Variants in CELSR1 observed in about 807,000 individuals in gnomAD.
CELSR1 encodes cadherin EGF LAG seven-pass G-type receptor 1, also known as adhesion G protein-coupled receptor C1.
Under a neutral mutation model 249.1 loss-of-function variants are expected in CELSR1, and 110 were observed. That is an observed-to-expected ratio of 0.44 (90% confidence interval 0.38 to 0.52). The LOEUF is 0.52. CELSR1 is among the 20% of genes least tolerant of loss of function. The probability of loss-of-function intolerance (pLI) is 0.00; values close to 1 mark genes in which losing one functional copy is unlikely to be tolerated. For synonymous variants in CELSR1, 2,113 were observed against 1,900.0 expected (o/e 1.11, Z -2.92); for missense variants, 4,109 against 4,296.4 (o/e 0.96, Z 1.22).
In CELSR1 at chr22:46,536,775, G is replaced by A; in HGVS notation, c.396C>T (p.Cys132=). 8.4e-7 allele frequency: 1 copy of A among 1,187,112 alleles called. No individual in the cohort carries two copies. Among genetic ancestry groups the A allele is most frequent in the East Asian group, 3.8e-5 (1 of 26,304 alleles). The allele number at this position is 1,187,112 out of a possible 1,614,324, so 73.5% of individuals were successfully genotyped here. ...CCGCGCAGCCGCCGGGGACGGGGAA[G>A]CAGAGCGCCCCGCAGAGCCGGGCAC... is the stretch of plus-strand genomic sequence containing the variant. ...GTGARLCGAL[C]FPVPGGCAAA... is the part of the protein sequence containing the mutation. Residue 132 remains cysteine (C), a synonymous_variant, in exon 1 of 35, where the codon TGC becomes TGT. Coordinates refer to ENST00000674500, the MANE Select transcript of CELSR1 (RefSeq NM_001378328.1).
At chr22:46,438,999 C>T (rs1405694473) in intron 3 of CELSR1, among the ~76,000 whole-genome samples, 190 bp downstream of exon 3, 1 of 152,184 alleles carries the variant, frequency 6.6e-6, no homozygotes, top group Non-Finnish European at 1.5e-5. Flanking sequence ...CTCAGGTGAT[C>T]CACCCGCCTC....
intron 2 of CELSR1, among the ~76,000 whole-genome samples, chr22:46,456,661 TAAAAAAAAAAA>T (rs556357746): frequency 1.0e-4 from 6 of 60,282 alleles, no homozygotes; most frequent in Admixed American, 2.2e-4. Context: ...AGACTCTGTC[TAAAAAAAAAAA>T]AAAAAAAAAA....
Position 46,367,117 on chromosome 22 carries a change from C to A in CELSR1, c.8081G>T (p.Gly2694Val). 1.2e-6 allele frequency: 2 copies of A among 1,610,284 alleles called. No individual in the cohort carries two copies. Reference sequence around the variant, plus strand: ...GCAGTGGAAAAGGAGGACGAAGGGGCCCTGGAGGGAGGAAGGTGGGGTCAG... The same window carrying A: ...GCAGTGGAAAAGGAGGACGAAGGGGACCTGGAGGGAGGAAGGTGGGGTCAG... ...YLFAIFSGLQ[G>V]PFVLLFHCVL... Residue 2694 changes from glycine (G) to valine (V), a missense_variant and splice_region_variant, in exon 29 of 35, where the codon GGC (glycine) becomes GTC (valine). Coordinates refer to ENST00000674500, the MANE Select transcript of CELSR1 (RefSeq NM_001378328.1).
Position 46,534,859 on chromosome 22 carries a change from T to A in CELSR1, c.2312A>T (p.His771Leu). ...AVTASDGTRS[H>L]TAHVLINVTD... ...GACGTTGATTAGGACATGCGCAGTG[T>A]GCGACCGTGTGCCGTCGGATGCTGT... The change falls in exon 1 of 35, where the codon CAC (histidine) becomes CTC (leucine). Residue 771 changes from histidine to leucine, a missense_variant. Transcript: ENST00000674500. This position sits in a 1 kb window ranked among gnomAD's most constrained non-coding sequence, Gnocchi z 9.7. 6.2e-7 allele frequency: 1 copy of A among 1,612,892 alleles called. No homozygotes were observed. Among genetic ancestry groups the A allele is most frequent in the East Asian group, 2.2e-5 (1 of 44,874 alleles).
In CELSR1 at chr22:46,366,410, G is replaced by T; in HGVS notation, c.8276C>A (p.Thr2759Asn). The T allele has an allele frequency of 1.3e-6, 2 of 1,549,826 alleles. No homozygotes were observed. The highest frequency in any genetic ancestry group is 1.7e-6 in the Non-Finnish European group (2 of 1,146,500). ...DMLRTDLGES[T>N]ASLDSIVRDE... ...CCTGACGATGCTGTCCAGCGAGGCG[G>T]TGGACTCGCCCAAGTCTGTGCGCAG... Residue 2759 changes from threonine to asparagine, a missense_variant, in exon 30 of 35, where the codon ACC becomes AAC. This residue lies in a region of CELSR1 where 1,805 missense variants were observed against 1,831.6 expected (regional missense o/e 0.99). Coordinates refer to ENST00000674500, the MANE Select transcript of CELSR1 (RefSeq NM_001378328.1).
intron 2 of CELSR1, among the ~76,000 whole-genome samples, chr22:46,455,534 C>CA (rs1287687861): frequency 3.9e-5 from 6 of 152,322 alleles, no homozygotes; most frequent in African/African-American, 1.4e-4. Context: ...TTCCTGACCT[C>CA]AAGTGATCCG....
intron 32 of CELSR1, among the ~76,000 whole-genome samples, 176 bp downstream of exon 32, chr22:46,365,055 G>A (rs1228864585): frequency 2.0e-5 from 3 of 152,214 alleles, no homozygotes; most frequent in Non-Finnish European, 2.9e-5. Context: ...GCCTGGAGGA[G>A]CCCTCCAGAG....
At chr22:46,383,486 G>A (rs142388238) in intron 20 of CELSR1, among the ~76,000 whole-genome samples, 163 of 152,150 alleles carry the variant, frequency 1.1e-3, no homozygotes, top group Admixed American at 1.6e-3. Context: ...TTTTTTTGCG[G>A]GAAGGGGAAG....
At chr22:46,481,593 C>T in intron 1 of CELSR1, 2 of 789,990 alleles carry the variant, frequency 2.5e-6, no homozygotes, top group South Asian at 3.0e-5. Flanking sequence ...TGCACTGGTG[C>T]ACCTGCTCCG....
In CELSR1 at chr22:46,446,414, C is replaced by G. The variant is rs1164052005; in HGVS notation, c.4184-7003G>C. ...CTCAAAATCTCCCCTCTCCAGCAAT[C>G]GCCCCACCAGCTCCACATCCAGCCC... On this transcript the variant is annotated intron_variant, in intron 2 of 34. Coordinates refer to ENST00000674500, the MANE Select transcript of CELSR1 (RefSeq NM_001378328.1). This position sits in a 1 kb window ranked among gnomAD's most constrained non-coding sequence, Gnocchi z 5.5. 6.6e-6 allele frequency among the ~76,000 whole-genome samples: 1 copy of G among 152,172 alleles called. No individual in the cohort carries two copies. Among genetic ancestry groups the G allele is most frequent in the Non-Finnish European group, 1.5e-5 (1 of 68,012 alleles).
chr22:46,491,322 G>T (rs1312215630), intron 1 of CELSR1, among the ~76,000 whole-genome samples: 2 of 147,582 alleles, frequency 1.4e-5, no homozygotes, highest in Non-Finnish European at 3.0e-5. Context: ...GGAATGCAGT[G>T]GTGCAATCTC....
chr22:46,432,916 C>T (rs1484860566), intron 5 of CELSR1, among the ~76,000 whole-genome samples: 2 of 152,220 alleles, frequency 1.3e-5, no homozygotes, highest in Non-Finnish European at 2.9e-5. Context: ...GGTGTATTTA[C>T]ACAGACCCTC....
rs142749653 is a variant in CELSR1 at position 46,425,723 on chromosome 22, G to A, written c.4611+7670C>T. Among the ~76,000 whole-genome samples the A allele has an allele frequency of 7.5e-4, 114 of 151,836 alleles. 3 individuals are homozygous for A. The East Asian group carries it at 0.014, about 19-fold the overall frequency. On this transcript the variant is annotated intron_variant, in intron 5 of 34. Transcript: ENST00000674500. ...AAGATTTTGTTAATCTTAAAGAATC[G>A]GCTCTTTGTTTCATTGATTTTCTCT... is the stretch of plus-strand genomic sequence containing the variant.
At chr22:46,509,794 C>G (rs3788725) in intron 1 of CELSR1, among the ~76,000 whole-genome samples, 91,718 of 151,876 alleles carry the variant, frequency 0.6, 27,791 homozygotes, top group East Asian at 0.76. Context: ...TGGGGGTCAA[C>G]AGGGTAGCAG....
Position 46,536,591 on chromosome 22 carries a change from C to G in CELSR1, c.580G>C (p.Val194Leu). The G allele has an allele frequency of 1.6e-5, 19 of 1,192,820 alleles. No individual in the cohort carries two copies. The highest frequency in any genetic ancestry group is 2.0e-5 in the Non-Finnish European group (19 of 965,582). 73.9% of individuals were successfully genotyped at this position (1,192,820 alleles called of 1,614,324 possible). A position where few individuals can be genotyped will look rare whatever the true frequency, so the allele number is the denominator to read the frequency against. ...GCCTCCAGCGCCAGTCCCACCCGGA[C>G]GGCGCCAGCCGCGCGCCGCAGGGCG... ...LCALRRAAGA[V>L]RVGLALEAAT... Residue 194 changes from valine (V) to leucine (L), a missense_variant, in exon 1 of 35, where the codon GTC becomes CTC. This residue lies in a region of CELSR1 where 673 missense variants were observed against 636.8 expected (regional missense o/e 1.06). Coordinates refer to ENST00000674500, the MANE Select transcript of CELSR1 (RefSeq NM_001378328.1).
Position 46,436,139 on chromosome 22 carries a change from G to A in CELSR1, c.4522+35C>T, listed in dbSNP as rs562937693. 1 of 1,539,130 alleles carries A rather than the reference G, an allele frequency of 6.5e-7. No individual in the cohort carries two copies. The highest frequency in any genetic ancestry group is 9.0e-7 in the Non-Finnish European group (1 of 1,113,660). ...TTAACCCACAAAGTATCTGTGAATT[G>A]CTCAGAGCTGCCCTTCCTGGGGAGA... On this transcript the variant is annotated intron_variant, in intron 4 of 34. Transcript: ENST00000674500. This position sits in a 1 kb window ranked among gnomAD's most constrained non-coding sequence, Gnocchi z 5.9.
Position 46,396,526 on chromosome 22 carries a change from GAA to G in CELSR1, c.5843+77_5843+78del, listed in dbSNP as rs769264873. ...CACACATATCTTTGGGTCAAAATAA[GAA>G]AGAGAAGACACTGAGTCGAGGGAAC... is the stretch of plus-strand genomic sequence containing the variant. On this transcript the variant is annotated intron_variant, in intron 13 of 34. Transcript: ENST00000674500. This position sits in a 1 kb window ranked among gnomAD's most constrained non-coding sequence, Gnocchi z 6.4. 1 of 1,362,676 alleles carries G rather than the reference GAA, an allele frequency of 7.3e-7. No homozygotes were observed. Among genetic ancestry groups the G allele is most frequent in the Non-Finnish European group, 9.5e-7 (1 of 1,047,778 alleles). 84.4% of individuals were successfully genotyped at this position (1,362,676 alleles called of 1,614,324 possible). A position where few individuals can be genotyped will look rare whatever the true frequency, so the allele number is the denominator to read the frequency against.
In CELSR1 at chr22:46,535,396, G is replaced by A; in HGVS notation, c.1775C>T (p.Ala592Val). The change falls in exon 1 of 35, where the codon GCG becomes GTG. Residue 592 changes from alanine to valine, a missense_variant. Around this residue, in one of 7 missense-constraint regions of CELSR1, gnomAD observed 886 missense variants for 896.5 expected, o/e 0.99. Coordinates refer to ENST00000674500, the MANE Select transcript of CELSR1 (RefSeq NM_001378328.1). ...CAGCCGGGCGTTCTCTCCAGAGTCCGCGTCCACCGCCTGAATGTGCACCAC... is the reference window on the plus strand; with the variant it reads ...CAGCCGGGCGTTCTCTCCAGAGTCCACGTCCACCGCCTGAATGTGCACCAC... ...YPVVHIQAVD[A>V]DSGENARLHY... 2 of 1,610,000 alleles carry A rather than the reference G, an allele frequency of 1.2e-6. No individual in the cohort carries two copies. The highest frequency in any genetic ancestry group is 1.7e-6 in the Non-Finnish European group (2 of 1,178,576).
chr22:46,523,649 C>T (rs2080708630), intron 1 of CELSR1, among the ~76,000 whole-genome samples: 1 of 152,084 alleles, frequency 6.6e-6, no homozygotes, highest in African/African-American at 2.4e-5. Flanking sequence ...AAAGGCGACT[C>T]CCCGGCTAGT....
Sources: gnomAD v4.1 joint callset for allele counts (sites outside exome capture counted in the v4.1 genomes callset) on GRCh38, gnomAD v4.1.1 for gene constraint, gnomAD v4.1.1 regional missense constraint, Gnocchi (gnomAD v3.1) non-coding constraint, MANE v1.5 for transcripts, NCBI Gene and HGNC (gene_info 2026-07-23, HGNC 2026-07-21) for gene names.